DNAH2: variants seen among roughly 807,000 people sequenced by gnomAD.
The protein encoded by DNAH2 is dynein axonemal heavy chain 2.
In DNAH2, 323 loss-of-function variants were observed where a neutral mutation model predicts 523.5. The observed-to-expected ratio is 0.62, with a 90% CI of 0.56 to 0.68. DNAH2 has a LOEUF of 0.68. Ranked by LOEUF, DNAH2 falls within the 30% of genes least tolerant of loss-of-function variation. DNAH2 has a pLI of 0.00. For missense variants in DNAH2, 4,907 were observed against 5,701.5 expected (o/e 0.86, Z 4.49); for synonymous variants, 2,093 against 2,177.4 (o/e 0.96, Z 1.08).
At chr17:7,781,710 G>C (rs2076609157) in intron 39 of DNAH2, among the ~76,000 whole-genome samples, 1 of 152,184 alleles carries the variant, frequency 6.6e-6, no homozygotes, top group Non-Finnish European at 1.5e-5. Context: ...AAGTGTACCT[G>C]CTCAAGTGCA....
chr17:7,771,460 A>G lies in DNAH2; in HGVS notation c.4493A>G (p.His1498Arg). ...GACAACAATGCTCTCCGGAGCACCC[A>G]TCACCCAGGTCAGAGCTCCAGGGCT... Reference protein sequence around the residue: ...NKDNNALRSTHHPGLLDTLIE... With the variant: ...NKDNNALRSTRHPGLLDTLIE... Residue 1498 changes from histidine to arginine, a missense_variant, in exon 28 of 86, where the codon CAT becomes CGT. Coordinates refer to ENST00000572933, the MANE Select transcript of DNAH2 (RefSeq NM_020877.5). 1 of 1,613,888 alleles carries G rather than the reference A, an allele frequency of 6.2e-7. No homozygotes were observed. Among genetic ancestry groups the G allele is most frequent in the Non-Finnish European group, 8.5e-7 (1 of 1,179,860 alleles).
chr17:7,804,273 G>T lies in DNAH2; in HGVS notation c.8990G>T (p.Arg2997Leu). Residue 2997 changes from arginine to leucine, a missense_variant, in exon 59 of 86, where the codon CGG becomes CTG. Physicochemically the swap from Arg to Leu is moderately radical, Grantham distance 102 (BLOSUM62 -2). This residue lies in a region of DNAH2 where 1,851 missense variants were observed against 2,139.4 expected (regional missense o/e 0.87). Transcript: ENST00000572933. ...SGYKKLLGEK[R>L]QELLAQANKL... ...TCCCCCAGGTTGCTGGGAGAAAAAC[G>T]GCAGGAGCTGCTGGCCCAAGCCAAT... The T allele has an allele frequency of 6.2e-7, 1 of 1,614,058 alleles. No homozygotes were observed. The highest frequency in any genetic ancestry group is 8.5e-7 in the Non-Finnish European group (1 of 1,180,024).
intron 39 of DNAH2, among the ~76,000 whole-genome samples, 182 bp downstream of exon 39, chr17:7,781,349 C>T (rs541995551): frequency 3.5e-4 from 53 of 152,178 alleles, no homozygotes; most frequent in African/African-American, 8.7e-4. Context: ...GTGGTGCACA[C>T]GAGTGTAGTC....
rs761644121 is a variant in DNAH2, at chr17:7,734,536, G to A, written c.806G>A (p.Gly269Glu). The change falls in exon 7 of 86, where the codon GGA becomes GAA. Residue 269 changes from glycine to glutamate, a missense_variant. By Grantham distance (98) the Gly-to-Glu change is moderately conservative. Transcript: ENST00000572933. The part of the protein sequence containing the change: ...MLSAQETVET[G>E]ENLGPLEEIE... ...AGTGCCCAGGAGACTGTGGAGACAG[G>A]AGAAAATTTAGGTCCTCTGGAGGAG... The A allele has an allele frequency of 1.2e-6, 2 of 1,613,776 alleles. No homozygotes were observed. The highest frequency in any genetic ancestry group is 4.5e-5 in the East Asian group (2 of 44,882).
In DNAH2 at chr17:7,775,407, C is replaced by T. The variant is rs940144182; in HGVS notation, c.4821+65C>T. On this transcript the variant is annotated intron_variant, in intron 30 of 85. Transcript: ENST00000572933. Reference sequence around the variant, plus strand: ...CTTCCTACAGAAAGTTCACCTGGGTCGGGCGCAGTGGCTCACACTTGTAAT... The same window carrying T: ...CTTCCTACAGAAAGTTCACCTGGGTTGGGCGCAGTGGCTCACACTTGTAAT... The T allele has an allele frequency of 1.4e-4, 212 of 1,478,256 alleles. 1 individual carries two copies. Among genetic ancestry groups the T allele is most frequent in the East Asian group, 4.4e-4 (18 of 41,146 alleles). 91.6% of individuals were successfully genotyped at this position (1,478,256 alleles called of 1,614,324 possible).
chr17:7,746,283 G>A (rs2151167660), intron 12 of DNAH2, among the ~76,000 whole-genome samples: 1 of 152,316 alleles, frequency 6.6e-6, no homozygotes, highest in Middle Eastern at 3.4e-3. Flanking sequence ...CTCCTCTGCT[G>A]TCCCCTAGGG....
chr17:7,728,812 C>T (rs960311611), intron 4 of DNAH2, among the ~76,000 whole-genome samples: 1 of 151,994 alleles, frequency 6.6e-6, no homozygotes, highest in African/African-American at 2.4e-5. Context: ...TAGTGCAACC[C>T]CATCTCTACA....
intron 24 of DNAH2, 83 bp from the exon 25 acceptor site, chr17:7,770,169 C>A (rs2076276057): frequency 1.4e-6 from 2 of 1,456,094 alleles, no homozygotes; most frequent in Middle Eastern, 2.4e-4. Context: ...GGTAACTATG[C>A]AGAATCATAG....
At chr17:7,734,149 C>T in intron 5 of DNAH2, 34 bp from the exon 6 acceptor site, 1 of 1,549,142 alleles carries the variant, frequency 6.5e-7, no homozygotes, top group East Asian at 2.4e-5. Flanking sequence ...AACTCATCCC[C>T]TCTGTCCACT....
intron 28 of DNAH2, 30 bp from the exon 29 acceptor site, chr17:7,774,729 T>A: frequency 6.3e-7 from 1 of 1,599,950 alleles, no homozygotes. Flanking sequence ...TGGAAATGAA[T>A]CAAATGTCAT....
chr17:7,720,243 A>T (rs2074559079), intron 2 of DNAH2, among the ~76,000 whole-genome samples: 1 of 151,360 alleles, frequency 6.6e-6, no homozygotes, highest in East Asian at 1.9e-4. Flanking sequence ...CCTTTTTCCC[A>T]TTTTCACCCT....
chr17:7,781,365 T>C (rs2076601088), intron 39 of DNAH2, among the ~76,000 whole-genome samples, 198 bp downstream of exon 39: 1 of 152,124 alleles, frequency 6.6e-6, no homozygotes, highest in South Asian at 2.1e-4. Context: ...TAGTCCCAGC[T>C]ACTCGGGAGG....
chr17:7,728,951 C>T (rs535463113), intron 4 of DNAH2, among the ~76,000 whole-genome samples: 4 of 151,972 alleles, frequency 2.6e-5, no homozygotes, highest in East Asian at 3.9e-4. Context: ...CTTCACTGCA[C>T]TCCAGCCTGG....
intron 20 of DNAH2, among the ~76,000 whole-genome samples, chr17:7,764,782 C>CTTTTTTTTTTTTT (rs59188289): frequency 4.0e-5 from 2 of 49,498 alleles, no homozygotes; most frequent in Non-Finnish European, 3.5e-5. Context: ...ACTGTATTTA[C>CTTTTTTTTTTTTT]TTTTTTTTTT....
Position 7,821,458 on chromosome 17 carries a change from C to CTGG in DNAH2, c.11142+89_11142+90insTGG. ...GACAAGGACTCCAGACCCAGAGGGTCAGGCCCACAGCATCAGTGAGTGAGC... is the reference window on the plus strand; with the variant it reads ...GACAAGGACTCCAGACCCAGAGGGTCTGGAGGCCCACAGCATCAGTGAGTGAGC... On this transcript the variant is annotated intron_variant, in intron 73 of 85. Coordinates refer to ENST00000572933, the MANE Select transcript of DNAH2 (RefSeq NM_020877.5). This position sits in a 1 kb window ranked among gnomAD's most constrained non-coding sequence, Gnocchi z 5.0. 2.0e-6 allele frequency: 3 copies of CTGG among 1,471,898 alleles called. No homozygotes were observed. The highest frequency in any genetic ancestry group is 2.7e-6 in the Non-Finnish European group (3 of 1,099,074). The allele number at this position is 1,471,898 out of a possible 1,614,324, so 91.2% of individuals were successfully genotyped here. A position where few individuals can be genotyped will look rare whatever the true frequency, so the allele number is the denominator to read the frequency against.
chr17:7,797,230 A>G lies in DNAH2; in HGVS notation c.7918A>G (p.Ile2640Val), dbSNP rs372393144. 4.2e-5 allele frequency: 67 copies of G among 1,613,804 alleles called. No individual in the cohort carries two copies. Among genetic ancestry groups the G allele is most frequent in the Non-Finnish European group, 5.3e-5 (62 of 1,180,014 alleles). ...NKDFHDTKSS[I>V]TRLWIHECFR... ...GGACTTCCATGATACCAAGTCCAGC[A>G]TCACACGGCTCTGGATCCATGAATG... The change falls in exon 51 of 86, where the codon ATC (isoleucine) becomes GTC (valine). Residue 2640 changes from isoleucine (I) to valine (V), a missense_variant. Coordinates refer to ENST00000572933, the MANE Select transcript of DNAH2 (RefSeq NM_020877.5).
At position 7,780,062 on chromosome 17, in the gene DNAH2, G is replaced by A; in HGVS notation, c.5723-95G>A. The A allele has an allele frequency of 6.7e-7, 1 of 1,494,498 alleles. No homozygotes were observed. The highest frequency in any genetic ancestry group is 2.3e-5 in the East Asian group (1 of 43,870). 92.6% of individuals were successfully genotyped at this position (1,494,498 alleles called of 1,614,324 possible). A position where few individuals can be genotyped will look rare whatever the true frequency, so the allele number is the denominator to read the frequency against. On this transcript the variant is annotated intron_variant, in intron 36 of 85. Coordinates refer to ENST00000572933, the MANE Select transcript of DNAH2 (RefSeq NM_020877.5). The surrounding 1 kb of genome is among the most constrained non-coding windows in gnomAD (Gnocchi z 4.4). The stretch of plus-strand genomic sequence containing the variant: ...GAGAGAAAGTTAGGGATGGAGTTAG[G>A]GTGGGAGAAAATGAGACTGATTGGA...
chr17:7,758,679 G>C, intron 14 of DNAH2, 28 bp downstream of exon 14: 1 of 1,599,664 alleles, frequency 6.3e-7, no homozygotes, highest in Non-Finnish European at 8.5e-7. Flanking sequence ...GACCCTAAAG[G>C]TCTGCAAGGC....
chr17:7,746,853 G>GGCGT (rs1017673158), intron 12 of DNAH2, among the ~76,000 whole-genome samples: 1 of 152,120 alleles, frequency 6.6e-6, no homozygotes. Flanking sequence ...CAGGCATGGT[G>GGCGT]GCGTGCGCCT....
Sources: allele counts gnomAD v4.1 joint callset (sites outside exome capture counted in the v4.1 genomes callset), GRCh38; gene constraint gnomAD v4.1.1; regional missense constraint gnomAD v4.1.1; non-coding constraint Gnocchi (gnomAD v3.1); transcripts MANE v1.5; gene names NCBI Gene and HGNC (gene_info 2026-07-23, HGNC 2026-07-21).